The following THADA variants were observed in gnomAD, a reference collection of about 807,000 sequenced individuals.
THADA encodes tRNA (32-2'-O)-methyltransferase regulator THADA.
THADA carries 213 observed loss-of-function variants against 219.8 expected under a neutral mutation model. That is an observed-to-expected ratio of 0.97 (90% CI 0.87 to 1.09). The LOEUF is 1.09. Among genes scored for constraint, THADA ranks in the 50% least tolerant of loss-of-function variants. THADA has a pLI of 0.00. For missense variants in THADA, 2,956 were observed against 2,311.3 expected (o/e 1.28, Z -5.72); for synonymous variants, 1,018 against 828.9 (o/e 1.23, Z -3.92).
chr2:43,310,236 C>A (rs1237235278), intron 31 of THADA, among the ~76,000 whole-genome samples: 4 of 121,026 alleles, frequency 3.3e-5, no homozygotes, highest in South Asian at 3.4e-4. Flanking sequence ...GCCCCCCCCC[C>A]AAACAAGCTG....
chr2:43,253,470 G>A (rs925654654), intron 36 of THADA, among the ~76,000 whole-genome samples: 4 of 152,102 alleles, frequency 2.6e-5, no homozygotes, highest in East Asian at 1.9e-4. Flanking sequence ...TCTCACTCAT[G>A]ACATTTTCTC....
At chr2:43,273,586 A>C (rs1672378980) in intron 36 of THADA, among the ~76,000 whole-genome samples, 1 of 151,436 alleles carries the variant, frequency 6.6e-6, no homozygotes, top group Non-Finnish European at 1.5e-5. Flanking sequence ...CTAGTGCCTG[A>C]CTCTGTGATC....
intron 10 of THADA, 56 bp from the exon 11 acceptor site, chr2:43,575,083 C>A: frequency 1.6e-6 from 2 of 1,253,790 alleles, no homozygotes; most frequent in Non-Finnish European, 2.2e-6. Context: ...AAAGAAATTT[C>A]ATTTTATAAC....
intron 36 of THADA, among the ~76,000 whole-genome samples, chr2:43,268,436 G>GCCA (rs1671771989): frequency 6.6e-6 from 1 of 152,090 alleles, no homozygotes; most frequent in Admixed American, 6.6e-5. Flanking sequence ...GTACTGGCCC[G>GCCA]CCACCACCAG....
At chr2:43,515,186 A>AATATATAATATATT (rs1691389832) in intron 22 of THADA, among the ~76,000 whole-genome samples, 3 of 21,334 alleles carry the variant, frequency 1.4e-4, no homozygotes, top group African/African-American at 2.3e-4. Flanking sequence ...TATTATATAT[A>AATATATAATATATT]ATATATTATA....
chr2:43,232,657 A>G, intron 37 of THADA, 56 bp downstream of exon 37: 11 of 1,567,046 alleles, frequency 7.0e-6, no homozygotes, highest in Non-Finnish European at 9.6e-6. Context: ...TGCTGCATCT[A>G]GCGGGTTTAG....
At chr2:43,528,322 G>T (rs1214275588) in intron 21 of THADA, among the ~76,000 whole-genome samples, 1 of 151,886 alleles carries the variant, frequency 6.6e-6, no homozygotes, top group African/African-American at 2.4e-5. Flanking sequence ...GTAGAGATGG[G>T]TTTCACCATG....
At chr2:43,244,533 T>G (rs1176008320) in intron 36 of THADA, among the ~76,000 whole-genome samples, 1 of 152,176 alleles carries the variant, frequency 6.6e-6, no homozygotes, top group African/African-American at 2.4e-5. Context: ...ACGGCACCCA[T>G]GGGCTGTTCA....
intron 29 of THADA, among the ~76,000 whole-genome samples, chr2:43,350,375 T>G (rs938086647): frequency 6.6e-6 from 1 of 152,232 alleles, no homozygotes; most frequent in Non-Finnish European, 1.5e-5. Flanking sequence ...TGTGTTTGTA[T>G]GTGAGTGGAG....
intron 31 of THADA, among the ~76,000 whole-genome samples, chr2:43,305,971 TTCTC>T (rs139495565): frequency 5.7e-4 from 60 of 105,454 alleles, no homozygotes; most frequent in Non-Finnish European, 6.9e-4. Flanking sequence ...CCTCCCTCCC[TTCTC>T]TCTCTCTCTC....
intron 22 of THADA, among the ~76,000 whole-genome samples, chr2:43,521,180 G>A (rs1692426765): frequency 2.7e-5 from 4 of 150,902 alleles, no homozygotes; most frequent in Admixed American, 2.0e-4. Flanking sequence ...AGGGAGGGAG[G>A]GAAGAAGGAA....
intron 24 of THADA, among the ~76,000 whole-genome samples, chr2:43,505,349 T>C (rs6544668): frequency 0.14 from 21,327 of 152,110 alleles, 1,994 homozygotes; most frequent in African/African-American, 0.26. Context: ...AGAAAAACTA[T>C]TCAAACAAGC....
At position 43,255,658 on chromosome 2, in the gene THADA, T is replaced by C. The variant is rs189951675; in HGVS notation, c.5297-22776A>G. 1.0e-3 allele frequency among the ~76,000 whole-genome samples: 159 copies of C among 152,294 alleles called. 2 individuals are homozygous for C. Among genetic ancestry groups the C allele is most frequent in the Admixed American group, 1.9e-3 (29 of 15,300 alleles). ...GGAATGCACAAGCTCCATCCAAGTA[T>C]TGGAGTCGGGGAATGCTGTGGCCTC... On this transcript the variant is annotated intron_variant, in intron 36 of 37. Coordinates refer to ENST00000405975, the MANE Select transcript of THADA (RefSeq NM_022065.5).
intron 14 of THADA, among the ~76,000 whole-genome samples, chr2:43,568,772 G>A (rs897342984): frequency 1.3e-5 from 2 of 152,128 alleles, no homozygotes; most frequent in Non-Finnish European, 1.5e-5. Context: ...AGAATAGGTA[G>A]TATGTCATGC....
At chr2:43,590,422 A>G (rs1701428319) in intron 4 of THADA, among the ~76,000 whole-genome samples, 1 of 152,146 alleles carries the variant, frequency 6.6e-6, no homozygotes, top group African/African-American at 2.4e-5. Flanking sequence ...TCACACCTGT[A>G]ATCCCATCAC....
rs1699937567 is a variant in THADA at position 43,577,117 on chromosome 2, T to C, written c.942A>G (p.Thr314=). ...CGTTCTGCCAGTCCAACATGGCAAG[T>C]GTCCCCTGACAGAGGAATAAGACAG... is the stretch of plus-strand genomic sequence containing the variant. ...QSAVLFLCQG[T]LAMLDWQNGS... The change falls in exon 10 of 38, where the codon ACA becomes ACG. Residue 314 remains threonine, a synonymous_variant. Coordinates refer to ENST00000405975, the MANE Select transcript of THADA (RefSeq NM_022065.5). The C allele has an allele frequency of 2.5e-6, 4 of 1,613,270 alleles. No homozygotes were observed. Among genetic ancestry groups the C allele is most frequent in the Middle Eastern group, 1.6e-4 (1 of 6,062 alleles).
At chr2:43,405,305 A>G (rs543617759) in intron 28 of THADA, among the ~76,000 whole-genome samples, 8 of 152,360 alleles carry the variant, frequency 5.3e-5, no homozygotes, top group Non-Finnish European at 1.2e-4. Context: ...GTACGTGTGC[A>G]TGCATAAAAG....
chr2:43,279,757 C>T lies in THADA; in HGVS notation c.5296+8G>A, dbSNP rs551454851. The T allele has an allele frequency of 9.1e-6, 14 of 1,546,924 alleles. No homozygotes were observed. Among genetic ancestry groups the T allele is most frequent in the Middle Eastern group, 1.7e-4 (1 of 5,988 alleles). On this transcript the variant is annotated splice_region_variant and intron_variant, in intron 36 of 37. Coordinates refer to ENST00000405975, the MANE Select transcript of THADA (RefSeq NM_022065.5). The stretch of plus-strand genomic sequence containing the variant: ...ATAAGACAATGCAAAAGGATAAGAA[C>T]GAGGTACCTGTTGACTGGCAGGTAT...
chr2:43,231,893 G>A (rs1432792441), intron 37 of THADA, among the ~76,000 whole-genome samples: 3 of 152,216 alleles, frequency 2.0e-5, no homozygotes, highest in South Asian at 4.1e-4. Context: ...GGGATGCCAA[G>A]AAGGCCAGCT....
Sources: gnomAD v4.1 joint callset for allele counts (sites outside exome capture counted in the v4.1 genomes callset) on GRCh38, gnomAD v4.1.1 for gene constraint, MANE v1.5 for transcripts, NCBI Gene and HGNC (gene_info 2026-07-23, HGNC 2026-07-21) for gene names.